The following SRRM4 variants were observed in gnomAD, a reference collection of about 807,000 sequenced individuals.
SRRM4 encodes the protein serine/arginine repetitive matrix protein 4.
A neutral mutation model predicts 68.9 loss-of-function variants in SRRM4; 33 were observed. That is an observed-to-expected ratio of 0.48 (90% CI 0.36 to 0.64). The LOEUF (loss-of-function observed/expected upper bound fraction) is 0.64, where lower values mean the gene tolerates loss of function less well. Ranked by LOEUF, SRRM4 falls within the 30% of genes least tolerant of loss-of-function variation. The pLI is 0.00. For missense variants in SRRM4, 817 were observed against 827.1 expected (o/e 0.99, Z 0.15); for synonymous variants, 318 against 318.8 (o/e 1.00, Z 0.03).
chr12:119,078,740 T>TACTAAGCCTGGGCAATGTA (rs1953930734), intron 1 of SRRM4, among the ~76,000 whole-genome samples: 1 of 152,084 alleles, frequency 6.6e-6, no homozygotes, highest in African/African-American at 2.4e-5. Flanking sequence ...GGCAATGTAG[T>TACTAAGCCTGGGCAATGTA]GTGACCCCGT....
At chr12:118,999,738 G>A (rs1242342229) in intron 1 of SRRM4, among the ~76,000 whole-genome samples, 4 of 152,126 alleles carry the variant, frequency 2.6e-5, no homozygotes, top group Non-Finnish European at 5.9e-5. Flanking sequence ...AACTCAGAGA[G>A]GTCAAAACTT....
chr12:118,990,410 G>A (rs188730213), intron 1 of SRRM4, among the ~76,000 whole-genome samples: 23 of 152,236 alleles, frequency 1.5e-4, no homozygotes, highest in African/African-American at 4.3e-4. Context: ...TTCAGGGTTC[G>A]GCATTGTCCT....
intron 8 of SRRM4, among the ~76,000 whole-genome samples, chr12:119,144,713 G>A (rs1473751763): frequency 1.4e-5 from 2 of 147,450 alleles, no homozygotes; most frequent in Non-Finnish European, 3.0e-5. Flanking sequence ...CATTTTTTTT[G>A]TCCCCTCCTT....
At chr12:119,150,969 C>A (rs1434851501) in intron 9 of SRRM4, 48 bp from the exon 10 acceptor site, 1 of 1,576,076 alleles carries the variant, frequency 6.3e-7, no homozygotes, top group South Asian at 1.1e-5. Flanking sequence ...ACAAGATGCT[C>A]CCAGAGTAGT....
chr12:119,018,499 C>A (rs1340201586), intron 1 of SRRM4, among the ~76,000 whole-genome samples: 1 of 152,110 alleles, frequency 6.6e-6, no homozygotes, highest in Non-Finnish European at 1.5e-5. Context: ...TAACTGTCAT[C>A]TTGCAAACTC....
At chr12:119,025,283 G>A (rs952583185) in intron 1 of SRRM4, among the ~76,000 whole-genome samples, 3 of 152,124 alleles carry the variant, frequency 2.0e-5, no homozygotes, top group Non-Finnish European at 4.4e-5. Flanking sequence ...GAGGCTGTCT[G>A]CATTTCAGGG....
At chr12:119,139,376 C>T (rs976081110) in intron 8 of SRRM4, among the ~76,000 whole-genome samples, 16 of 152,270 alleles carry the variant, frequency 1.1e-4, no homozygotes, top group Admixed American at 8.5e-4. Context: ...CTTCTTTCCT[C>T]CTCTTCTTGT....
At chr12:119,117,062 A>T in intron 4 of SRRM4, 54 bp downstream of exon 4, 1 of 1,457,288 alleles carries the variant, frequency 6.9e-7, no homozygotes, top group African/African-American at 1.4e-5. Flanking sequence ...TGGGGAGGAC[A>T]GTTGATGGCA....
At chr12:119,007,985 C>A (rs1490852245) in intron 1 of SRRM4, among the ~76,000 whole-genome samples, 2 of 152,172 alleles carry the variant, frequency 1.3e-5, no homozygotes, top group Non-Finnish European at 2.9e-5. Flanking sequence ...CTATTAAGAT[C>A]TAACTTGTCA....
chr12:119,011,779 G>T (rs1455919456), intron 1 of SRRM4, among the ~76,000 whole-genome samples: 1 of 152,158 alleles, frequency 6.6e-6, no homozygotes, highest in Non-Finnish European at 1.5e-5. Context: ...AAAATAGGGA[G>T]ACCAGTGCCA....
At chr12:119,023,529 G>T (rs1292053975) in intron 1 of SRRM4, among the ~76,000 whole-genome samples, 1 of 152,208 alleles carries the variant, frequency 6.6e-6, no homozygotes, top group East Asian at 1.9e-4. Flanking sequence ...GCTGTTAGTT[G>T]TGTCCTAGGC....
rs777827224 is a variant in SRRM4, at chr12:119,145,445, G to T, written c.836G>T (p.Arg279Leu). The change falls in exon 9 of 13, where the codon CGA becomes CTA. Residue 279 changes from arginine to leucine, a missense_variant. Physicochemically the swap from Arg to Leu is moderately radical, Grantham distance 102 (BLOSUM62 -2). Coordinates refer to ENST00000267260, the MANE Select transcript of SRRM4 (RefSeq NM_194286.4). ...TKTASPLTTS[R>L]GRSQEYDSGN... ...ACAGCCAGCCCGCTCACCACCTCGC[G>T]AGGACGTTCCCAGGAGTACGACTCA... 6.2e-7 allele frequency: 1 copy of T among 1,607,542 alleles called. No homozygotes were observed.
chr12:119,145,134 G>A (rs1041983188), intron 8 of SRRM4, among the ~76,000 whole-genome samples: 2 of 151,208 alleles, frequency 1.3e-5, no homozygotes, highest in Admixed American at 6.6e-5. Flanking sequence ...AATCTGAATC[G>A]CATGCTTTTT....
intron 1 of SRRM4, among the ~76,000 whole-genome samples, chr12:119,013,772 C>G (rs1372590006): frequency 6.6e-6 from 1 of 151,944 alleles, no homozygotes; most frequent in Non-Finnish European, 1.5e-5. Flanking sequence ...AGGATTTTTG[C>G]TGTAACAAAC....
chr12:119,081,483 C>T (rs1953947376), intron 1 of SRRM4, among the ~76,000 whole-genome samples: 1 of 152,120 alleles, frequency 6.6e-6, no homozygotes, highest in Non-Finnish European at 1.5e-5. Context: ...CCTGTGGGAC[C>T]AGAGTGGAGA....
intron 10 of SRRM4, among the ~76,000 whole-genome samples, chr12:119,152,792 C>T (rs1954447798): frequency 6.6e-6 from 1 of 152,188 alleles, no homozygotes; most frequent in South Asian, 2.1e-4. Flanking sequence ...GCTATTCCTG[C>T]CCCTGTTTTC....
At chr12:119,100,818 C>CTTACTTCCT (rs1954073790) in intron 1 of SRRM4, among the ~76,000 whole-genome samples, 2 of 152,116 alleles carry the variant, frequency 1.3e-5, no homozygotes, top group Non-Finnish European at 2.9e-5. Flanking sequence ...GAAAGGTAAC[C>CTTACTTCCT]CCCATAGGAG....
chr12:119,123,943 A>G (rs1954240753), intron 6 of SRRM4, among the ~76,000 whole-genome samples: 1 of 152,160 alleles, frequency 6.6e-6, no homozygotes, highest in Non-Finnish European at 1.5e-5. Context: ...AGGCACTGGG[A>G]AAAGGGCTTG....
At chr12:119,109,334 G>T (rs146040804) in intron 2 of SRRM4, among the ~76,000 whole-genome samples, 3,041 of 152,092 alleles carry the variant, frequency 0.02, 69 homozygotes, top group Non-Finnish European at 0.027. Flanking sequence ...ATCTTGTGGC[G>T]TTCTCTGTAT....
Sources: allele counts gnomAD v4.1 joint callset (sites outside exome capture counted in the v4.1 genomes callset), GRCh38; gene constraint gnomAD v4.1.1; transcripts MANE v1.5; gene names NCBI Gene and HGNC (gene_info 2026-07-23, HGNC 2026-07-21).